GOLGA3: variants seen among roughly 807,000 people sequenced by gnomAD.
GOLGA3 encodes the protein golgin A3, also known as golgin subfamily A member 3.
Under a neutral mutation model 169.4 loss-of-function variants are expected in GOLGA3, and 75 were observed. The ratio of observed to expected loss-of-function variants is 0.44; its 90% CI spans 0.37 to 0.54. The LOEUF is 0.54. Ranked by LOEUF, GOLGA3 falls within the 20% of genes least tolerant of loss-of-function variation. The probability of loss-of-function intolerance (pLI) is 0.00; values close to 1 mark genes in which losing one functional copy is unlikely to be tolerated. For synonymous variants in GOLGA3, 824 were observed against 822.4 expected, an observed-to-expected ratio of 1.00 and a Z score of -0.03; for missense variants, 1,899 against 1,930.0, an observed-to-expected ratio of 0.98 and a Z score of 0.30.
At chr12:132,789,330 G>A (rs2046100379) in intron 12 of GOLGA3, 40 bp from the exon 13 acceptor site, 5 of 1,505,670 alleles carry the variant, frequency 3.3e-6, no homozygotes, top group Non-Finnish European at 4.4e-6. Flanking sequence ...CTGGGCGGCG[G>A]GGCGTGGGGG....
At chr12:132,826,240 C>CA (rs752535211) in intron 1 of GOLGA3, 87,548 of 721,924 alleles carry the variant, frequency 0.12, 1,975 homozygotes, top group African/African-American at 0.17. Context: ...TCTCATTCTC[C>CA]AAAAAAAAAA....
chr12:132,825,838 A>G (rs1593414090), intron 1 of GOLGA3: 1 of 1,044,322 alleles, frequency 9.6e-7, no homozygotes, highest in Non-Finnish European at 1.5e-6. Flanking sequence ...GCTTCAAGAC[A>G]CCCAAAGAGG....
intron 18 of GOLGA3, among the ~76,000 whole-genome samples, chr12:132,778,667 C>T (rs983707109): frequency 1.3e-5 from 2 of 151,604 alleles, no homozygotes; most frequent in African/African-American, 4.8e-5. Context: ...AAGGCCAAGG[C>T]GGGCAGGTCA....
Position 132,808,403 on chromosome 12 carries a change from C to T in GOLGA3, c.666G>A (p.Lys222=). Residue 222 remains lysine (K), a synonymous_variant, in exon 5 of 24, where the codon AAG becomes AAA. Transcript: ENST00000450791. ...FLRTSVPRGP[K]VGSLGLPAHP... The stretch of plus-strand genomic sequence containing the variant: ...GTGCCGGAAGCCCCAGGCTGCCCAC[C>T]TTAGGCCCCCGAGGGACACTGGTGC... The T allele has an allele frequency of 6.2e-7, 1 of 1,614,140 alleles. No individual in the cohort carries two copies. The highest frequency in any genetic ancestry group is 8.5e-7 in the Non-Finnish European group (1 of 1,180,032).
chr12:132,802,024 G>A (rs75002364), intron 7 of GOLGA3, 55 bp from the exon 8 acceptor site: 390,939 of 1,403,134 alleles, frequency 0.28, 56,844 homozygotes, highest in Non-Finnish European at 0.31. Flanking sequence ...GGGGGAGTCC[G>A]CAGCTCCGCG....
chr12:132,784,112 G>T (rs1336312732), intron 16 of GOLGA3, 52 bp downstream of exon 16: 1 of 1,600,014 alleles, frequency 6.2e-7, no homozygotes, highest in African/African-American at 1.3e-5. Context: ...GCATGTCCAG[G>T]GCTCACGTGA....
chr12:132,800,160 G>T (rs1949063853), intron 8 of GOLGA3, among the ~76,000 whole-genome samples: 1 of 152,198 alleles, frequency 6.6e-6, no homozygotes, highest in Non-Finnish European at 1.5e-5. Flanking sequence ...AAGCTATGTT[G>T]TAAGTAGAAC....
chr12:132,819,178 C>G (rs902885050), intron 2 of GOLGA3, among the ~76,000 whole-genome samples: 1 of 152,074 alleles, frequency 6.6e-6, no homozygotes, highest in Non-Finnish European at 1.5e-5. Context: ...GGTCAGCATT[C>G]CTCGGATCCC....
Position 132,807,893 on chromosome 12 carries a change from G to C in GOLGA3, c.1176C>G (p.Ser392Arg). The change falls in exon 5 of 24, where the codon AGC becomes AGG. Residue 392 changes from serine to arginine, a missense_variant and splice_region_variant. Physicochemically the swap from Ser to Arg is moderately radical, Grantham distance 110. Transcript: ENST00000450791. Reference sequence around the variant, plus strand: ...CCCACCTCTGCTGTCCCCACCACCTGCTGCAGATGCTGTCTCTCCGACTCC... The same window carrying C: ...CCCACCTCTGCTGTCCCCACCACCTCCTGCAGATGCTGTCTCTCCGACTCC... ...EVRSRRDSIC[S>R]SVSLESSAAE... 2 of 1,344,612 alleles carry C rather than the reference G, an allele frequency of 1.5e-6. No individual in the cohort carries two copies. Among genetic ancestry groups the C allele is most frequent in the Non-Finnish European group, 2.0e-6 (2 of 1,004,818 alleles). 83.3% of individuals were successfully genotyped at this position (1,344,612 alleles called of 1,614,324 possible). A position where few individuals can be genotyped will look rare whatever the true frequency, so the allele number is the denominator to read the frequency against.
Position 132,798,453 on chromosome 12 carries a change from G to C in GOLGA3, c.1825C>G (p.Leu609Val). The part of the protein sequence containing the change: ...IQVGQMTQAG[L>V]LEHLKLENVS... ...TTCTCGAGTTTCAGGTGCTCCAGGA[G>C]ACCTGCCTGGGTCATCTGTCCAACC... is the stretch of plus-strand genomic sequence containing the variant. The change falls in exon 9 of 24, where the codon CTC (leucine) becomes GTC (valine). Residue 609 changes from leucine to valine, a missense_variant. Leu to Val is a conservative substitution (Grantham distance 32, BLOSUM62 1). Transcript: ENST00000450791. The C allele has an allele frequency of 1.2e-6, 2 of 1,611,800 alleles. No individual in the cohort carries two copies. The highest frequency in any genetic ancestry group is 1.1e-5 in the South Asian group (1 of 90,878).
At chr12:132,826,706 G>A (rs1950429358) in intron 1 of GOLGA3, among the ~76,000 whole-genome samples, 1 of 152,108 alleles carries the variant, frequency 6.6e-6, no homozygotes, top group Non-Finnish European at 1.5e-5. Flanking sequence ...TTTGGTGACA[G>A]TGATACTTCT....
At chr12:132,783,961 T>C in intron 16 of GOLGA3, 1 of 1,463,694 alleles carries the variant, frequency 6.8e-7, no homozygotes, top group Non-Finnish European at 9.0e-7. Flanking sequence ...AAAGAGGCTG[T>C]ACAGTGATCC....
intron 2 of GOLGA3, among the ~76,000 whole-genome samples, chr12:132,818,991 T>C (rs1950101709): frequency 6.6e-6 from 1 of 150,486 alleles, no homozygotes; most frequent in Non-Finnish European, 1.5e-5. Flanking sequence ...CAAAGAAAGA[T>C]TTCTTTCAAT....
At chr12:132,826,748 C>T (rs10870520) in intron 1 of GOLGA3, among the ~76,000 whole-genome samples, 22,674 of 152,132 alleles carry the variant, frequency 0.15, 1,964 homozygotes, top group Middle Eastern at 0.22. Context: ...CAGTCTCGGT[C>T]GATTCCCAGT....
chr12:132,815,867 C>T (rs1949932281), intron 3 of GOLGA3, among the ~76,000 whole-genome samples: 1 of 152,162 alleles, frequency 6.6e-6, no homozygotes, highest in African/African-American at 2.4e-5. Context: ...CCACTGGCCT[C>T]CAGCCTGGGC....
Position 132,814,870 on chromosome 12 carries a change from G to A in GOLGA3, c.407-1451C>T, listed in dbSNP as rs552584009. On this transcript the variant is annotated intron_variant, in intron 3 of 23. Coordinates refer to ENST00000450791, the MANE Select transcript of GOLGA3 (RefSeq NM_001389683.1). The stretch of plus-strand genomic sequence containing the variant: ...AGGTGATGAAAGAGTTGCATGGTAC[G>A]TGCCAACGTGTTATAGTTACAAACC... 4.6e-5 allele frequency among the ~76,000 whole-genome samples: 7 copies of A among 152,326 alleles called. No homozygotes were observed. In the South Asian group the frequency reaches 8.3e-4, roughly 18 times the overall value.
At chr12:132,792,448 A>G (rs1948576017) in intron 11 of GOLGA3, among the ~76,000 whole-genome samples, 1 of 152,226 alleles carries the variant, frequency 6.6e-6, no homozygotes, top group Non-Finnish European at 1.5e-5. Flanking sequence ...CTGCGCCCAC[A>G]GGCTGAGGGT....
intron 16 of GOLGA3, 59 bp downstream of exon 16, chr12:132,784,105 T>C (rs979115964): frequency 6.3e-7 from 1 of 1,599,154 alleles, no homozygotes; most frequent in Non-Finnish European, 8.5e-7. Context: ...CGTGGCGGCA[T>C]GTCCAGGGCT....
At chr12:132,791,038 G>A (rs1291860038) in intron 12 of GOLGA3, among the ~76,000 whole-genome samples, 178 bp downstream of exon 12, 4 of 94,970 alleles carry the variant, frequency 4.2e-5, no homozygotes, top group Non-Finnish European at 5.6e-5. Context: ...CTGACAGAGA[G>A]AGACTCCGTC....
Sources: gnomAD v4.1 joint callset for allele counts (sites outside exome capture counted in the v4.1 genomes callset) on GRCh38, gnomAD v4.1.1 for gene constraint, MANE v1.5 for transcripts, NCBI Gene and HGNC (gene_info 2026-07-23, HGNC 2026-07-21) for gene names.